The following UTRN variants were observed in gnomAD, a reference collection of about 807,000 sequenced individuals.
The protein encoded by UTRN is dystrophin-related protein 1.
A neutral mutation model predicts 463.9 loss-of-function variants in UTRN; 283 were observed. The ratio of observed to expected loss-of-function variants is 0.61; its 90% confidence interval spans 0.55 to 0.67. The LOEUF is 0.67. Ranked by LOEUF, UTRN falls within the 30% of genes least tolerant of loss-of-function variation. The pLI is 0.00. For missense variants in UTRN, 3,922 were observed against 4,084.3 expected (o/e 0.96, Z 1.08); for synonymous variants, 1,442 against 1,431.5 (o/e 1.01, Z -0.17).
intron 2 of UTRN, among the ~76,000 whole-genome samples, chr6:144,309,229 T>C (rs1806026582): frequency 6.6e-6 from 1 of 152,222 alleles, no homozygotes; most frequent in African/African-American, 2.4e-5. Flanking sequence ...GGACCTCCTC[T>C]CTGTCCCCAC....
chr6:144,468,800 G>C (rs1790207215), intron 23 of UTRN, among the ~76,000 whole-genome samples: 1 of 152,160 alleles, frequency 6.6e-6, no homozygotes, highest in South Asian at 2.1e-4. Context: ...TTAAAGATGA[G>C]CAGACTTTTG....
At chr6:144,407,943 C>T (rs965412649) in intron 3 of UTRN, among the ~76,000 whole-genome samples, 2 of 152,114 alleles carry the variant, frequency 1.3e-5, no homozygotes, top group African/African-American at 4.8e-5. Context: ...AAATTAAACA[C>T]TTATTTCTGG....
intron 55 of UTRN, among the ~76,000 whole-genome samples, chr6:144,749,755 A>G (rs1791181792): frequency 6.6e-6 from 1 of 152,194 alleles, no homozygotes; most frequent in Non-Finnish European, 1.5e-5. Flanking sequence ...AAATGTTTTA[A>G]CCTGTGGCTT....
At chr6:144,645,472 G>A (rs1479348223) in intron 51 of UTRN, among the ~76,000 whole-genome samples, 1 of 152,102 alleles carries the variant, frequency 6.6e-6, no homozygotes, top group African/African-American at 2.4e-5. Context: ...AAGGAACAGA[G>A]AAAACACAAA....
chr6:144,407,506 T>C (rs6920634), intron 3 of UTRN, among the ~76,000 whole-genome samples: 10,840 of 152,234 alleles, frequency 0.071, 952 homozygotes, highest in African/African-American at 0.21. Flanking sequence ...TTTCTTGGAG[T>C]TGTGCTGCAG....
chr6:144,533,325 T>C (rs1797229932), intron 43 of UTRN, 65 bp downstream of exon 43: 2 of 1,560,826 alleles, frequency 1.3e-6, no homozygotes, highest in Non-Finnish European at 1.7e-6. Context: ...TCTTTTAAGA[T>C]GCAATCTAAT....
chr6:144,564,380 G>C (rs9399480), intron 50 of UTRN, among the ~76,000 whole-genome samples: 11,747 of 152,192 alleles, frequency 0.077, 1,079 homozygotes, highest in East Asian at 0.54. Context: ...AGGCAGGAAA[G>C]AGCACAGCAT....
At chr6:144,679,812 TC>T (rs1782027222) in intron 52 of UTRN, among the ~76,000 whole-genome samples, 1 of 152,180 alleles carries the variant, frequency 6.6e-6, no homozygotes, top group Non-Finnish European at 1.5e-5. Flanking sequence ...AGGTTTTTAT[TC>T]TTCTGGAGCT....
chr6:144,583,426 G>C (rs1031482856), intron 51 of UTRN: 1 of 643,842 alleles, frequency 1.6e-6, no homozygotes, highest in Non-Finnish European at 2.9e-6. Flanking sequence ...TCCAGTGACC[G>C]GGAGGAAATG....
intron 53 of UTRN, chr6:144,706,929 A>C (rs1238848616): frequency 3.3e-5 from 5 of 152,204 alleles, no homozygotes; most frequent in African/African-American, 4.8e-5. Flanking sequence ...AAGAGTAGCC[A>C]GGAACCTATA....
chr6:144,629,259 G>T (rs901924478), intron 51 of UTRN, among the ~76,000 whole-genome samples: 8 of 152,026 alleles, frequency 5.3e-5, no homozygotes, highest in Non-Finnish European at 1.0e-4. Flanking sequence ...AGGATGTGTA[G>T]TAAAAAATCT....
chr6:144,494,800 GTGCT>G (rs1793439806), intron 33 of UTRN, among the ~76,000 whole-genome samples: 1 of 152,074 alleles, frequency 6.6e-6, no homozygotes, highest in African/African-American at 2.4e-5. Flanking sequence ...TAGACACAGG[GTGCT>G]GATTGGTGTG....
At position 144,751,375 on chromosome 6, in the gene UTRN, G is replaced by A. The variant is rs1430620217; in HGVS notation, c.8209-431G>A. On this transcript the variant is annotated intron_variant, in intron 55 of 74. Transcript: ENST00000367545. ...TCTTCACACATTTATTTATATTTTT[G>A]GGTAATAAACAATGACTTTTTGGTT... Among the ~76,000 whole-genome samples the A allele has an allele frequency of 2.0e-5, 3 of 151,990 alleles. No individual in the cohort carries two copies. The East Asian group carries it at 5.8e-4, about 29-fold the overall frequency.
At chr6:144,726,782 G>C (rs1178651706) in intron 53 of UTRN, among the ~76,000 whole-genome samples, 1 of 152,128 alleles carries the variant, frequency 6.6e-6, no homozygotes. Flanking sequence ...GCTAAATCTA[G>C]GGAAAGAGCT....
At chr6:144,508,692 C>T (rs1321053443) in intron 34 of UTRN, among the ~76,000 whole-genome samples, 6 of 152,174 alleles carry the variant, frequency 3.9e-5, no homozygotes, top group African/African-American at 1.4e-4. Flanking sequence ...TGCCAGCCAC[C>T]TCCTCTGCTA....
intron 51 of UTRN, among the ~76,000 whole-genome samples, chr6:144,596,718 T>C (rs1803681061): frequency 6.6e-6 from 1 of 152,114 alleles, no homozygotes; most frequent in South Asian, 2.1e-4. Flanking sequence ...AGTCTGGTTG[T>C]CAGTATATGG....
chr6:144,848,617 T>A (rs957147270), intron 74 of UTRN, among the ~76,000 whole-genome samples: 5 of 152,210 alleles, frequency 3.3e-5, no homozygotes, highest in African/African-American at 1.2e-4. Context: ...CTAGGTTGAA[T>A]GATACTGAAA....
intron 41 of UTRN, among the ~76,000 whole-genome samples, chr6:144,526,129 A>C (rs190893091): frequency 6.6e-6 from 1 of 152,296 alleles, no homozygotes; most frequent in Admixed American, 6.5e-5. Context: ...AGAATATTCC[A>C]TGTGTTCATG....
intron 10 of UTRN, 54 bp downstream of exon 10, chr6:144,436,192 A>G (rs1043190393): frequency 3.4e-5 from 51 of 1,520,686 alleles, no homozygotes; most frequent in Non-Finnish European, 4.4e-5. Context: ...CCTGAGCCTT[A>G]ATCAGGGACT....
Sources: gnomAD v4.1 joint callset for allele counts (sites outside exome capture counted in the v4.1 genomes callset) on GRCh38, gnomAD v4.1.1 for gene constraint, MANE v1.5 for transcripts, NCBI Gene and HGNC (gene_info 2026-07-23, HGNC 2026-07-21) for gene names.